TCTN1: variants seen among roughly 807,000 people sequenced by gnomAD.
TCTN1 encodes the protein tectonic-1.
TCTN1 carries 58 observed loss-of-function variants against 65.8 expected under a neutral mutation model. That is an observed-to-expected ratio of 0.88 (90% CI 0.71 to 1.10). The LOEUF (loss-of-function observed/expected upper bound fraction) is 1.10. TCTN1 is among the 50% of genes least tolerant of loss of function. The probability of loss-of-function intolerance (pLI) is 0.00; values close to 1 mark genes in which losing one functional copy is unlikely to be tolerated. For missense variants in TCTN1, 645 were observed against 719.4 expected, an observed-to-expected ratio of 0.90 and a Z score of 1.18; for synonymous variants, 273 against 289.1, an observed-to-expected ratio of 0.94 and a Z score of 0.57.
intron 4 of TCTN1, among the ~76,000 whole-genome samples, chr12:110,630,738 T>A (rs2066176940): frequency 6.6e-6 from 1 of 152,252 alleles, no homozygotes; most frequent in Non-Finnish European, 1.5e-5. Context: ...GTATCCACAT[T>A]GTTCTAGAAA....
At chr12:110,617,645 C>CT (rs796301279) in intron 1 of TCTN1, among the ~76,000 whole-genome samples, 2,604 of 142,436 alleles carry the variant, frequency 0.018, 83 homozygotes, top group African/African-American at 0.061. Flanking sequence ...CTTTTTCTTT[C>CT]TTTTTTTTTT....
Position 110,641,424 on chromosome 12 carries a change from G to A in TCTN1, c.1105-118G>A, listed in dbSNP as rs2066943951. Reference sequence around the variant, plus strand: ...GTATTTATAGTTCTGAGTAGGGAGGGAGAAATTCTTTTATTGGTTGGTAAT... The same window carrying A: ...GTATTTATAGTTCTGAGTAGGGAGGAAGAAATTCTTTTATTGGTTGGTAAT... On this transcript the variant is annotated intron_variant, in intron 9 of 14. Transcript: ENST00000397659. 3 of 1,056,608 alleles carry A rather than the reference G, an allele frequency of 2.8e-6. No homozygotes were observed. The South Asian group carries it at 4.0e-5, about 14-fold the overall frequency. 65.5% of individuals were successfully genotyped at this position (1,056,608 alleles called of 1,614,324 possible).
intron 1 of TCTN1, among the ~76,000 whole-genome samples, chr12:110,616,521 C>CA (rs1409805865): frequency 6.6e-6 from 1 of 152,166 alleles, no homozygotes; most frequent in East Asian, 1.9e-4. Flanking sequence ...GTTAGGATTA[C>CA]AGGCTTGAGC....
intron 5 of TCTN1, among the ~76,000 whole-genome samples, chr12:110,634,095 C>A (rs1429045825): frequency 6.6e-6 from 1 of 151,936 alleles, no homozygotes; most frequent in Non-Finnish European, 1.5e-5. Context: ...ATATATTGTT[C>A]AGTAAACAAA....
In TCTN1 at chr12:110,639,684, A is replaced by G. The variant is rs546539017; in HGVS notation, c.844-699A>G. 9.9e-5 allele frequency among the ~76,000 whole-genome samples: 15 copies of G among 152,264 alleles called. No homozygotes were observed. The highest frequency in any genetic ancestry group is 2.9e-4 in the African/African-American group (12 of 41,546). ...TGTGTGTATTTGAGATATAATTCAT[A>G]TACCATAAAACTCACCATTTTAAAG... On this transcript the variant is annotated intron_variant, in intron 7 of 14. Coordinates refer to ENST00000397659, the MANE Select transcript of TCTN1 (RefSeq NM_001082538.3). This position sits in a 1 kb window ranked among gnomAD's most constrained non-coding sequence, Gnocchi z 4.9.
At chr12:110,633,174 A>G (rs1410329578) in intron 5 of TCTN1, among the ~76,000 whole-genome samples, 1 of 152,192 alleles carries the variant, frequency 6.6e-6, no homozygotes, top group Non-Finnish European at 1.5e-5. Context: ...AAGAGTTTGC[A>G]GAATGGCCCC....
At chr12:110,634,527 C>G in intron 5 of TCTN1, 143 bp from the exon 6 acceptor site, 1 of 724,070 alleles carries the variant, frequency 1.4e-6, no homozygotes, top group Non-Finnish European at 2.3e-6. Context: ...AAAAACAAAA[C>G]AAACAACAAC....
intron 12 of TCTN1, 103 bp downstream of exon 12, chr12:110,645,232 C>T (rs2067219496): frequency 6.7e-7 from 1 of 1,493,912 alleles, no homozygotes; most frequent in Non-Finnish European, 9.1e-7. Flanking sequence ...CAGGATGGCC[C>T]TGAGTGGGAG....
chr12:110,616,416 G>C (rs1162682206), intron 1 of TCTN1: 2 of 283,782 alleles, frequency 7.0e-6, no homozygotes, highest in Non-Finnish European at 1.5e-5. Context: ...CACCACGCCC[G>C]GCTAATTTTT....
intron 1 of TCTN1, chr12:110,616,467 G>A (rs1352666514): frequency 1.6e-5 from 4 of 243,654 alleles, no homozygotes; most frequent in Non-Finnish European, 2.6e-5. Context: ...GGCTGGTCTT[G>A]AACTCCTGGC....
At chr12:110,630,481 A>T (rs1309194308) in intron 4 of TCTN1, among the ~76,000 whole-genome samples, 1 of 152,170 alleles carries the variant, frequency 6.6e-6, no homozygotes, top group African/African-American at 2.4e-5. Context: ...TACACCTTTA[A>T]ATGGGACACA....
Position 110,619,891 on chromosome 12 carries a change from CTGTGA to C in TCTN1, c.278_282del (p.Cys93SerfsTer27). 6.2e-7 allele frequency: 1 copy of C among 1,614,196 alleles called. No homozygotes were observed. The highest frequency in any genetic ancestry group is 8.5e-7 in the Non-Finnish European group (1 of 1,180,048). On this transcript the variant is annotated frameshift_variant, in exon 2 of 15. Coordinates refer to ENST00000397659, the MANE Select transcript of TCTN1 (RefSeq NM_001082538.3). LOFTEE classifies it high-confidence loss of function. ...CAGCACAGTGTGACATCAACTGCTG[CTGTGA>C]TCCCGACTGCAGCTCCGTGGATTTC...
At chr12:110,616,421 A>AT (rs2065041484) in intron 1 of TCTN1, 1 of 282,398 alleles carries the variant, frequency 3.5e-6, no homozygotes, top group Admixed American at 3.9e-5. Context: ...CGCCCGGCTA[A>AT]TTTTTTGTAG....
intron 5 of TCTN1, among the ~76,000 whole-genome samples, chr12:110,632,951 T>C (rs910583841): frequency 5.9e-5 from 9 of 152,226 alleles, no homozygotes; most frequent in Non-Finnish European, 1.3e-4. Context: ...TATTGTGTGC[T>C]GGGTATTGTG....
intron 12 of TCTN1, 72 bp downstream of exon 12, chr12:110,645,201 G>C: frequency 6.3e-7 from 1 of 1,589,686 alleles, no homozygotes; most frequent in Non-Finnish European, 8.5e-7. Flanking sequence ...AGGCAGCCGG[G>C]GAAGCCAGCT....
At chr12:110,636,602 G>T in intron 7 of TCTN1, 101 bp downstream of exon 7, 1 of 735,530 alleles carries the variant, frequency 1.4e-6, no homozygotes, top group Non-Finnish European at 2.2e-6. Context: ...ATTAGAAGGG[G>T]ACCTTGTTGC....
In TCTN1 at chr12:110,628,076, G is replaced by A. The variant is rs1001429266; in HGVS notation, c.473-691G>A. 7 of 1,535,756 alleles carry A rather than the reference G, an allele frequency of 4.6e-6. No homozygotes were observed. In the African/African-American group the frequency reaches 6.8e-5, roughly 15 times the overall value. On this transcript the variant is annotated intron_variant, in intron 3 of 14. Transcript: ENST00000397659. Reference sequence around the variant, plus strand: ...GCACATTTTACTCCAGGACTTTCACGGTGGCTGTGTGAGAGTAGAAGTCGG... The same window carrying A: ...GCACATTTTACTCCAGGACTTTCACAGTGGCTGTGTGAGAGTAGAAGTCGG...
rs80078413 is a variant in TCTN1, at chr12:110,620,002, G to T, written c.341+46G>T. ...TGCAATTTTGAAAAAATTTGACCAG[G>T]ATAATACAATTTGGAGAAAGGGAAA... On this transcript the variant is annotated intron_variant, in intron 2 of 14. Transcript: ENST00000397659. 6,932 of 1,613,872 alleles carry T rather than the reference G, an allele frequency of 4.3e-3. 296 individuals are homozygous for T. The African/African-American group carries it at 0.081, about 19-fold the overall frequency.
intron 1 of TCTN1, among the ~76,000 whole-genome samples, chr12:110,619,537 GT>G (rs1284242008): frequency 2.0e-5 from 3 of 152,170 alleles, no homozygotes; most frequent in Admixed American, 2.0e-4. Context: ...CACCTGGAAA[GT>G]TTCTGAAAAC....
Sources: allele counts gnomAD v4.1 joint callset (sites outside exome capture counted in the v4.1 genomes callset), GRCh38; gene constraint gnomAD v4.1.1; non-coding constraint Gnocchi (gnomAD v3.1); transcripts MANE v1.5; gene names NCBI Gene and HGNC (gene_info 2026-07-23, HGNC 2026-07-21).